AGTPBP1: variants seen among roughly 807,000 people sequenced by gnomAD.
AGTPBP1 encodes the protein ATP/GTP binding carboxypeptidase 1.
Under a neutral mutation model 143.9 loss-of-function variants are expected in AGTPBP1, and 70 were observed. The ratio of observed to expected loss-of-function variants is 0.49; its 90% CI spans 0.40 to 0.59. The LOEUF (loss-of-function observed/expected upper bound fraction) is 0.59, where lower values mean the gene tolerates loss of function less well. AGTPBP1 is among the 20% of genes least tolerant of loss of function. AGTPBP1 has a pLI of 0.00. For synonymous variants in AGTPBP1, 463 were observed against 500.2 expected (o/e 0.93, Z 0.99); for missense variants, 1,229 against 1,464.5 (o/e 0.84, Z 2.62).
chr9:85,609,348 T>C (rs1202891351), intron 17 of AGTPBP1, among the ~76,000 whole-genome samples: 3 of 148,920 alleles, frequency 2.0e-5, no homozygotes, highest in Admixed American at 1.4e-4. Context: ...TGGAGTGCAA[T>C]GGCATGATCT....
chr9:85,623,121 G>C (rs1398432145), intron 14 of AGTPBP1, among the ~76,000 whole-genome samples: 6 of 152,160 alleles, frequency 3.9e-5, no homozygotes, highest in Non-Finnish European at 8.8e-5. Context: ...TGACGGGCAG[G>C]AACTGTGAAA....
At chr9:85,737,839 G>A (rs56682403) in intron 1 of AGTPBP1, among the ~76,000 whole-genome samples, 16 of 152,010 alleles carry the variant, frequency 1.1e-4, no homozygotes, top group Admixed American at 5.2e-4. Context: ...CACAATTATC[G>A]GAAAAGGCTA....
At chr9:85,589,748 G>A in intron 19 of AGTPBP1, 67 bp from the exon 20 acceptor site, 2 of 1,408,910 alleles carry the variant, frequency 1.4e-6, no homozygotes, top group Non-Finnish European at 1.9e-6. Context: ...CAGAAATAAT[G>A]CATCCAGATC....
intron 3 of AGTPBP1, among the ~76,000 whole-genome samples, chr9:85,685,240 G>GAT (rs1835419862): frequency 6.6e-6 from 1 of 151,822 alleles, no homozygotes; most frequent in Non-Finnish European, 1.5e-5. Flanking sequence ...TTTGACTAAA[G>GAT]ATATAAATTT....
the AGTPBP1 span, among the ~76,000 whole-genome samples, chr9:85,790,060 A>G: frequency 3.9e-5 from 6 of 152,204 alleles, no homozygotes; most frequent in South Asian, 1.0e-3. Flanking sequence ...CTTTTTAAAA[A>G]AATTCATTAT....
chr9:85,600,700 C>T (rs575068474), intron 17 of AGTPBP1, among the ~76,000 whole-genome samples: 1 of 152,224 alleles, frequency 6.6e-6, no homozygotes, highest in South Asian at 2.1e-4. Flanking sequence ...GGAGCTGCTT[C>T]GAGACTGCAC....
chr9:85,800,784 T>G, the AGTPBP1 span, among the ~76,000 whole-genome samples: 1 of 150,582 alleles, frequency 6.6e-6, no homozygotes, highest in South Asian at 2.1e-4. Flanking sequence ...AATGCTTATA[T>G]GTACTTGCAG....
In AGTPBP1 at chr9:85,590,136, C is replaced by A. The variant is rs1417699908; in HGVS notation, c.2569-455G>T. Among the ~76,000 whole-genome samples, 4 of 151,984 alleles carry A rather than the reference C, an allele frequency of 2.6e-5. No individual in the cohort carries two copies. In the East Asian group the frequency reaches 5.8e-4, roughly 22 times the overall value. On this transcript the variant is annotated intron_variant, in intron 19 of 25. Transcript: ENST00000357081. ...TAAAAATTATATAGCACAATTTTAA[C>A]AATTTATTTTCCTGATTTCAAGATT...
At chr9:85,655,936 T>A (rs1833478712) in intron 10 of AGTPBP1, among the ~76,000 whole-genome samples, 1 of 152,202 alleles carries the variant, frequency 6.6e-6, no homozygotes, top group African/African-American at 2.4e-5. Context: ...CATACCATTC[T>A]CCTGCCTCAG....
Position 85,669,429 on chromosome 9 carries a change from T to C in AGTPBP1, c.662+56A>G, listed in dbSNP as rs41283647. The C allele has an allele frequency of 3.4e-4, 369 of 1,076,034 alleles. 1 individual carries two copies. Among genetic ancestry groups the C allele is most frequent in the Non-Finnish European group, 4.5e-4 (327 of 721,808 alleles). The allele number at this position is 1,076,034 out of a possible 1,614,324, so 66.7% of individuals were successfully genotyped here. A position where few individuals can be genotyped will look rare whatever the true frequency, so the allele number is the denominator to read the frequency against. On this transcript the variant is annotated intron_variant, in intron 8 of 25. Transcript: ENST00000357081. ...CTGCTCATTGTACATATCAAGATAA[T>C]GAGGCCCAGAGTAACAAAGGCTATA...
At chr9:85,622,290 G>A (rs1187872584) in intron 14 of AGTPBP1, among the ~76,000 whole-genome samples, 1 of 152,136 alleles carries the variant, frequency 6.6e-6, no homozygotes, top group African/African-American at 2.4e-5. Flanking sequence ...AAAATCTCAA[G>A]AATCCATTAA....
At chr9:85,635,497 T>C (rs550001488) in intron 13 of AGTPBP1, among the ~76,000 whole-genome samples, 1 of 152,320 alleles carries the variant, frequency 6.6e-6, no homozygotes, top group Admixed American at 6.5e-5. Flanking sequence ...CACAGAACTA[T>C]TTACAACTTT....
intron 6 of AGTPBP1, among the ~76,000 whole-genome samples, chr9:85,674,061 T>C (rs1189689901): frequency 6.7e-6 from 1 of 149,296 alleles, no homozygotes; most frequent in African/African-American, 2.5e-5. Flanking sequence ...AGGAGGAGCT[T>C]GCAGTGAGCC....
intron 2 of AGTPBP1, among the ~76,000 whole-genome samples, chr9:85,704,102 G>A (rs1363869349): frequency 6.6e-6 from 1 of 152,182 alleles, no homozygotes; most frequent in Non-Finnish European, 1.5e-5. Flanking sequence ...GGAAAGACAG[G>A]AAATAAATGA....
At chr9:85,760,875 T>G in the AGTPBP1 span, among the ~76,000 whole-genome samples, 1 of 152,182 alleles carries the variant, frequency 6.6e-6, no homozygotes, top group Non-Finnish European at 1.5e-5. Context: ...AACCCCATCG[T>G]CTCAGCCCAA....
At chr9:85,789,088 G>A in the AGTPBP1 span, among the ~76,000 whole-genome samples, 6 of 139,502 alleles carry the variant, frequency 4.3e-5, no homozygotes, top group Middle Eastern at 3.6e-3. Context: ...CAACGATTAG[G>A]TTTGATTATG....
intron 5 of AGTPBP1, among the ~76,000 whole-genome samples, 195 bp downstream of exon 5, chr9:85,678,140 A>T (rs1010958637): frequency 1.3e-5 from 2 of 152,226 alleles, no homozygotes; most frequent in Non-Finnish European, 1.5e-5. Context: ...ATACATGGCT[A>T]TGGGGTAGTC....
At chr9:85,700,133 CA>C (rs1836547089) in intron 2 of AGTPBP1, among the ~76,000 whole-genome samples, 1 of 152,138 alleles carries the variant, frequency 6.6e-6, no homozygotes, top group Admixed American at 6.6e-5. Flanking sequence ...TAAAGCAAAT[CA>C]TCTCTCAGTA....
intron 2 of AGTPBP1, among the ~76,000 whole-genome samples, chr9:85,699,736 T>A (rs1437600815): frequency 6.6e-6 from 1 of 152,156 alleles, no homozygotes; most frequent in Non-Finnish European, 1.5e-5. Flanking sequence ...CAATTATAAC[T>A]TTTATTCTGG....
Sources: allele counts gnomAD v4.1 joint callset (sites outside exome capture counted in the v4.1 genomes callset), GRCh38; gene constraint gnomAD v4.1.1; transcripts MANE v1.5; gene names NCBI Gene and HGNC (gene_info 2026-07-23, HGNC 2026-07-21).